Variants in COL14A1 observed in about 807,000 individuals in gnomAD.
COL14A1 encodes the protein collagen alpha-1(XIV) chain.
COL14A1 carries 136 observed loss-of-function variants against 230.3 expected under a neutral mutation model. The observed-to-expected ratio is 0.59, with a 90% CI of 0.51 to 0.68. The LOEUF is 0.68. Among genes scored for constraint, COL14A1 ranks in the 30% least tolerant of loss-of-function variants. The pLI, the probability that COL14A1 is intolerant of heterozygous loss-of-function variation, is 0.00. For missense variants in COL14A1, 1,976 were observed against 2,215.8 expected (o/e 0.89, Z 2.17); for synonymous variants, 792 against 784.1 (o/e 1.01, Z -0.17).
intron 40 of COL14A1, among the ~76,000 whole-genome samples, chr8:120,319,332 T>TTTTA (rs199580431): frequency 5.3e-5 from 8 of 151,854 alleles, no homozygotes; most frequent in African/African-American, 1.5e-4. Flanking sequence ...AATTTTTTTA[T>TTTTA]TTTATTTATT....
Position 120,216,347 on chromosome 8 carries a change from C to A in COL14A1, c.1598-4C>A. The A allele has an allele frequency of 6.3e-7, 1 of 1,598,578 alleles. No individual in the cohort carries two copies. Among genetic ancestry groups the A allele is most frequent in the South Asian group, 1.1e-5 (1 of 87,908 alleles). ...AATTATTTTCTATTCCATTTACTGCCAAGTGGCTTTAAGTCCACCAAGAAA... is the reference window on the plus strand; with the variant it reads ...AATTATTTTCTATTCCATTTACTGCAAAGTGGCTTTAAGTCCACCAAGAAA... On this transcript the variant is annotated splice_polypyrimidine_tract_variant and splice_region_variant and intron_variant, in intron 13 of 47. Coordinates refer to ENST00000297848, the MANE Select transcript of COL14A1 (RefSeq NM_021110.4).
At chr8:120,345,253 G>A (rs1019863676) in intron 44 of COL14A1, 122 bp from the exon 45 acceptor site, 2 of 828,250 alleles carry the variant, frequency 2.4e-6, no homozygotes, top group African/African-American at 1.8e-5. Context: ...TCAAAGGGGT[G>A]TGATTTTTCC....
intron 14 of COL14A1, among the ~76,000 whole-genome samples, chr8:120,223,015 C>A (rs1193872562): frequency 3.9e-5 from 6 of 152,032 alleles, no homozygotes; most frequent in African/African-American, 1.4e-4. Flanking sequence ...AGGAAGAAGG[C>A]CTAATTTCGA....
intron 4 of COL14A1, among the ~76,000 whole-genome samples, chr8:120,165,735 C>A (rs377421966): frequency 6.6e-6 from 1 of 151,984 alleles, no homozygotes; most frequent in East Asian, 1.9e-4. Flanking sequence ...TAATTTAGGA[C>A]CTTTAAATAT....
At chr8:120,209,521 A>G (rs1046671639) in intron 11 of COL14A1, among the ~76,000 whole-genome samples, 3 of 152,148 alleles carry the variant, frequency 2.0e-5, no homozygotes, top group African/African-American at 7.2e-5. Context: ...CCTGAACTTG[A>G]CACTGTGGTT....
intron 5 of COL14A1, among the ~76,000 whole-genome samples, chr8:120,179,545 CA>C (rs1266277551): frequency 1.3e-5 from 2 of 152,120 alleles, no homozygotes; most frequent in Non-Finnish European, 2.9e-5. Flanking sequence ...AGAGAGGACA[CA>C]AGCAAATGGA....
intron 5 of COL14A1, among the ~76,000 whole-genome samples, chr8:120,188,973 CT>C (rs899357259): frequency 6.6e-6 from 1 of 152,164 alleles, no homozygotes; most frequent in African/African-American, 2.4e-5. Flanking sequence ...ATTGATGTCT[CT>C]CTAAGAATGG....
intron 36 of COL14A1, among the ~76,000 whole-genome samples, chr8:120,303,662 A>G (rs1586846483): frequency 6.6e-6 from 1 of 152,258 alleles, no homozygotes; most frequent in East Asian, 1.9e-4. Flanking sequence ...AGAATTTTGA[A>G]TTGATGTTCA....
chr8:120,233,802 C>T (rs1451836364), intron 19 of COL14A1, among the ~76,000 whole-genome samples: 2 of 152,148 alleles, frequency 1.3e-5, no homozygotes, highest in Non-Finnish European at 2.9e-5. Context: ...GCTATATGGA[C>T]TCTTTTTTGG....
intron 23 of COL14A1, among the ~76,000 whole-genome samples, chr8:120,259,504 T>C (rs930681712): frequency 6.6e-6 from 1 of 152,206 alleles, no homozygotes; most frequent in Non-Finnish European, 1.5e-5. Flanking sequence ...GCAAAGCCAA[T>C]AGGCCTGAAT....
chr8:120,295,491 T>C (rs1348457684), intron 34 of COL14A1, among the ~76,000 whole-genome samples: 2 of 151,914 alleles, frequency 1.3e-5, no homozygotes, highest in African/African-American at 2.4e-5. Flanking sequence ...GTGCCTGGCA[T>C]TCATTTCTGC....
At chr8:120,240,785 G>A (rs560796715) in intron 19 of COL14A1, among the ~76,000 whole-genome samples, 8 of 152,234 alleles carry the variant, frequency 5.3e-5, no homozygotes, top group African/African-American at 1.9e-4. Context: ...TGAGGTAAAT[G>A]AAATGTTTCT....
chr8:120,320,364 C>A (rs987329283), intron 40 of COL14A1, among the ~76,000 whole-genome samples: 1 of 152,006 alleles, frequency 6.6e-6, no homozygotes, highest in Non-Finnish European at 1.5e-5. Flanking sequence ...TACAAAAATT[C>A]TTTTTTTAAA....
At chr8:120,326,731 C>T (rs964027728) in intron 40 of COL14A1, among the ~76,000 whole-genome samples, 3 of 151,970 alleles carry the variant, frequency 2.0e-5, no homozygotes, top group Admixed American at 1.3e-4. Context: ...GACTTAAAAA[C>T]GCCTTTGTTC....
intron 1 of COL14A1, among the ~76,000 whole-genome samples, chr8:120,134,346 A>G (rs1353261757): frequency 6.6e-6 from 1 of 152,124 alleles, no homozygotes; most frequent in Non-Finnish European, 1.5e-5. Flanking sequence ...ATTCGAAAAT[A>G]AAATATAGCA....
At chr8:120,357,603 T>G (rs1215039511) in intron 45 of COL14A1, among the ~76,000 whole-genome samples, 1 of 152,126 alleles carries the variant, frequency 6.6e-6, no homozygotes, top group Non-Finnish European at 1.5e-5. Context: ...CAGTGTCTGT[T>G]TAAACCATCA....
At chr8:120,181,023 A>G (rs959206000) in intron 5 of COL14A1, among the ~76,000 whole-genome samples, 1 of 152,064 alleles carries the variant, frequency 6.6e-6, no homozygotes, top group Non-Finnish European at 1.5e-5. Context: ...AGCCTTTTTT[A>G]AGGTTAGTTT....
intron 8 of COL14A1, among the ~76,000 whole-genome samples, chr8:120,201,205 A>G (rs905366222): frequency 1.3e-4 from 20 of 152,142 alleles, no homozygotes; most frequent in African/African-American, 4.8e-4. Flanking sequence ...AAGAACAAAG[A>G]CATCCAGGGA....
intron 1 of COL14A1, among the ~76,000 whole-genome samples, chr8:120,130,924 C>A (rs1586702647): frequency 6.6e-6 from 1 of 152,070 alleles, no homozygotes; most frequent in African/African-American, 2.4e-5. Context: ...ATCTTTATGT[C>A]CATGTGTACT....
Sources: allele counts gnomAD v4.1 joint callset (sites outside exome capture counted in the v4.1 genomes callset), GRCh38; gene constraint gnomAD v4.1.1; transcripts MANE v1.5; gene names NCBI Gene and HGNC (gene_info 2026-07-23, HGNC 2026-07-21).